Variants in SKAP2 observed in about 807,000 individuals in gnomAD.
SKAP2 encodes the protein src kinase-associated phosphoprotein 2.
In SKAP2, 28 loss-of-function variants were observed where a neutral mutation model predicts 54.9. The observed-to-expected ratio is 0.51, with a 90% CI of 0.38 to 0.70. SKAP2 has a LOEUF of 0.70. SKAP2 is among the 30% of genes least tolerant of loss of function. The pLI, the probability that SKAP2 is intolerant of heterozygous loss-of-function variation, is 0.00. For synonymous variants in SKAP2, 137 were observed against 134.3 expected, an observed-to-expected ratio of 1.02 and a Z score of -0.14; for missense variants, 356 against 424.1, an observed-to-expected ratio of 0.84 and a Z score of 1.41.
intron 9 of SKAP2, among the ~76,000 whole-genome samples, chr7:26,693,057 C>T (rs1048774368): frequency 1.3e-5 from 2 of 152,046 alleles, no homozygotes; most frequent in African/African-American, 4.8e-5. Context: ...GGGGGCTGGG[C>T]ATGGTCGGTC....
chr7:26,822,855 C>G (rs1435017540), intron 4 of SKAP2, among the ~76,000 whole-genome samples: 2 of 151,602 alleles, frequency 1.3e-5, no homozygotes, highest in African/African-American at 4.8e-5. Context: ...TGCACTCCAG[C>G]CTGGGCGACA....
At chr7:26,716,302 G>A (rs1333829116) in intron 9 of SKAP2, among the ~76,000 whole-genome samples, 1 of 152,012 alleles carries the variant, frequency 6.6e-6, no homozygotes, top group East Asian at 1.9e-4. Context: ...AGATATTAGG[G>A]TTATATAGTT....
chr7:26,809,920 C>T (rs1784106891), intron 4 of SKAP2, among the ~76,000 whole-genome samples: 1 of 152,112 alleles, frequency 6.6e-6, no homozygotes, highest in Non-Finnish European at 1.5e-5. Flanking sequence ...TACCATTTAG[C>T]CTTTCAAAAG....
chr7:26,749,565 C>T (rs73079524), intron 4 of SKAP2, among the ~76,000 whole-genome samples: 1 of 151,650 alleles, frequency 6.6e-6, no homozygotes. Context: ...CTAGGTAACA[C>T]AGCAACACCC....
chr7:26,828,045 A>G (rs1784527050), intron 4 of SKAP2, among the ~76,000 whole-genome samples: 1 of 152,254 alleles, frequency 6.6e-6, no homozygotes, highest in Non-Finnish European at 1.5e-5. Flanking sequence ...TCTTTTGTTA[A>G]GCTAACAACA....
At chr7:26,833,413 A>AAAAAAAG (rs3069886) in intron 4 of SKAP2, among the ~76,000 whole-genome samples, 18 of 151,682 alleles carry the variant, frequency 1.2e-4, no homozygotes, top group African/African-American at 3.9e-4. Context: ...AAAAAAAAAA[A>AAAAAAAG]GACACAGACT....
At chr7:26,711,881 T>C (rs1459639244) in intron 9 of SKAP2, among the ~76,000 whole-genome samples, 1 of 152,140 alleles carries the variant, frequency 6.6e-6, no homozygotes. Flanking sequence ...GCTTTTGTAA[T>C]GATCCAGGTG....
intron 4 of SKAP2, among the ~76,000 whole-genome samples, chr7:26,753,025 T>A (rs1554298304): frequency 1.3e-5 from 2 of 152,210 alleles, no homozygotes; most frequent in Non-Finnish European, 2.9e-5. Flanking sequence ...CTGAGTAAAT[T>A]ACTAGAGAAT....
At chr7:26,664,963 G>A (rs1450954699), downstream of SKAP2, among the ~76,000 whole-genome samples, 1 of 151,962 alleles carries the variant, frequency 6.6e-6, no homozygotes, top group Non-Finnish European at 1.5e-5. Context: ...TTTCATTTTG[G>A]GGACTCAAAG....
chr7:26,791,382 C>T (rs1783671383), intron 4 of SKAP2, among the ~76,000 whole-genome samples: 1 of 151,788 alleles, frequency 6.6e-6, no homozygotes, highest in South Asian at 2.1e-4. Flanking sequence ...CACTTTTTTG[C>T]CCAGGCTGGT....
At chr7:26,764,760 C>T (rs896417651) in intron 4 of SKAP2, among the ~76,000 whole-genome samples, 1 of 152,092 alleles carries the variant, frequency 6.6e-6, no homozygotes, top group Non-Finnish European at 1.5e-5. Flanking sequence ...ACTGTGTTAG[C>T]CAGGAGGGTC....
At chr7:26,702,781 C>A (rs1787066766) in intron 9 of SKAP2, among the ~76,000 whole-genome samples, 1 of 152,174 alleles carries the variant, frequency 6.6e-6, no homozygotes, top group Non-Finnish European at 1.5e-5. Context: ...ATTTATAGGG[C>A]AATTATCAAA....
At chr7:26,804,715 G>C (rs1393480903) in intron 4 of SKAP2, among the ~76,000 whole-genome samples, 1 of 150,050 alleles carries the variant, frequency 6.7e-6, no homozygotes, top group Non-Finnish European at 1.5e-5. Context: ...CTCCAGCCTG[G>C]GTGACAGAGT....
chr7:26,750,666 A>C (rs1449386354), intron 4 of SKAP2, among the ~76,000 whole-genome samples: 3 of 152,108 alleles, frequency 2.0e-5, no homozygotes, highest in Non-Finnish European at 2.9e-5. Context: ...ATTTTGGGTC[A>C]ATTTTGCTTC....
chr7:26,713,631 G>A (rs1463075515), intron 9 of SKAP2, among the ~76,000 whole-genome samples: 3 of 150,898 alleles, frequency 2.0e-5, no homozygotes, highest in Non-Finnish European at 3.0e-5. Context: ...ATGGAGTCTC[G>A]CTCTGTCGCC....
At chr7:26,781,134 T>A (rs1205898229) in intron 4 of SKAP2, among the ~76,000 whole-genome samples, 1 of 152,152 alleles carries the variant, frequency 6.6e-6, no homozygotes, top group Non-Finnish European at 1.5e-5. Flanking sequence ...CCAACAGACA[T>A]ACTTGTTATA....
chr7:26,752,459 A>C (rs1015143059), intron 4 of SKAP2, among the ~76,000 whole-genome samples: 4 of 152,194 alleles, frequency 2.6e-5, no homozygotes, highest in African/African-American at 9.6e-5. Context: ...CAAAACGAGG[A>C]GGCCCAAGTA....
chr7:26,715,424 T>C (rs1787408085), intron 9 of SKAP2, among the ~76,000 whole-genome samples: 1 of 152,010 alleles, frequency 6.6e-6, no homozygotes, highest in South Asian at 2.1e-4. Flanking sequence ...ATAATGTTGA[T>C]TTTATAGCCT....
chr7:26,770,311 A>AG (rs1483007725), intron 4 of SKAP2, among the ~76,000 whole-genome samples: 1 of 152,128 alleles, frequency 6.6e-6, no homozygotes, highest in African/African-American at 2.4e-5. Flanking sequence ...TCCCCCACCA[A>AG]GCTCAAGTGT....
Sources: allele counts gnomAD v4.1 joint callset (sites outside exome capture counted in the v4.1 genomes callset), GRCh38; gene constraint gnomAD v4.1.1; transcripts MANE v1.5; gene names NCBI Gene and HGNC (gene_info 2026-07-23, HGNC 2026-07-21).